The following SPOCK1 variants were observed in gnomAD, a reference collection of about 807,000 sequenced individuals.
The protein encoded by SPOCK1 is testican-1.
A neutral mutation model predicts 55.3 loss-of-function variants in SPOCK1; 23 were observed. That is an observed-to-expected ratio of 0.42 (90% CI 0.30 to 0.59). The LOEUF is 0.59. SPOCK1 is among the 20% of genes least tolerant of loss of function. The pLI is 0.22. For missense variants in SPOCK1, 499 were observed against 552.5 expected (o/e 0.90, Z 0.97); for synonymous variants, 226 against 221.0 (o/e 1.02, Z -0.20).
intron 3 of SPOCK1, among the ~76,000 whole-genome samples, chr5:137,212,380 T>G (rs745675465): frequency 6.6e-5 from 10 of 152,198 alleles, no homozygotes; most frequent in African/African-American, 9.6e-5. Context: ...TCACCCAGTG[T>G]CTGGCAAATA....
intron 2 of SPOCK1, among the ~76,000 whole-genome samples, chr5:137,285,714 G>A (rs565678849): frequency 2.6e-5 from 4 of 152,216 alleles, no homozygotes; most frequent in East Asian, 1.9e-4. Flanking sequence ...TTTCAGCCTC[G>A]CCTTGGCCTT....
chr5:137,430,375 G>C (rs1752718264), intron 2 of SPOCK1, among the ~76,000 whole-genome samples: 1 of 152,136 alleles, frequency 6.6e-6, no homozygotes, highest in Non-Finnish European at 1.5e-5. Context: ...CCTTCATCCA[G>C]GACAGCTGGG....
At chr5:137,115,011 T>C (rs983166836) in intron 4 of SPOCK1, among the ~76,000 whole-genome samples, 1 of 152,168 alleles carries the variant, frequency 6.6e-6, no homozygotes. Context: ...GAAGAAAAGA[T>C]GGAATCAGCT....
chr5:137,106,056 G>A (rs927135276), intron 5 of SPOCK1, among the ~76,000 whole-genome samples: 2 of 152,154 alleles, frequency 1.3e-5, no homozygotes, highest in African/African-American at 4.8e-5. Flanking sequence ...CTTCAGTCAG[G>A]TGGGCCCAGA....
intron 3 of SPOCK1, among the ~76,000 whole-genome samples, chr5:137,147,387 G>A (rs1442173405): frequency 1.3e-5 from 2 of 152,256 alleles, no homozygotes; most frequent in East Asian, 3.9e-4. Context: ...TAGTCTGCTC[G>A]GGCAGCCATA....
intron 6 of SPOCK1, among the ~76,000 whole-genome samples, chr5:137,050,455 C>A (rs913062614): frequency 1.2e-3 from 184 of 150,512 alleles, no homozygotes; most frequent in Non-Finnish European, 1.6e-3. Context: ...ACTCCCTGAC[C>A]CCTTGGGCTT....
chr5:137,136,053 T>C (rs1424737663), intron 4 of SPOCK1, among the ~76,000 whole-genome samples: 1 of 152,248 alleles, frequency 6.6e-6, no homozygotes, highest in East Asian at 1.9e-4. Flanking sequence ...GTGACTTGTC[T>C]TTTTCATTTT....
chr5:137,273,290 A>T (rs959066615), intron 2 of SPOCK1: 1 of 779,070 alleles, frequency 1.3e-6, no homozygotes, highest in African/African-American at 1.9e-5. Context: ...TACTACTGAG[A>T]TTTCAGATTT....
chr5:137,414,666 C>T (rs574671955), intron 2 of SPOCK1, among the ~76,000 whole-genome samples: 1 of 152,198 alleles, frequency 6.6e-6, no homozygotes, highest in South Asian at 2.1e-4. Flanking sequence ...GACCATGTAT[C>T]CACCTATTAA....
At chr5:137,420,344 T>C (rs1191585051) in intron 2 of SPOCK1, among the ~76,000 whole-genome samples, 1 of 152,232 alleles carries the variant, frequency 6.6e-6, no homozygotes, top group South Asian at 2.1e-4. Flanking sequence ...TCTTTTTCTA[T>C]TGATTGGAAT....
intron 5 of SPOCK1, among the ~76,000 whole-genome samples, chr5:137,102,650 A>G (rs1171574381): frequency 6.6e-6 from 1 of 152,226 alleles, no homozygotes; most frequent in Non-Finnish European, 1.5e-5. Flanking sequence ...CACTCGTGGA[A>G]GTAAAAATTG....
At chr5:137,473,272 C>G (rs1753773334) in intron 2 of SPOCK1, among the ~76,000 whole-genome samples, 1 of 152,192 alleles carries the variant, frequency 6.6e-6, no homozygotes, top group Non-Finnish European at 1.5e-5. Flanking sequence ...AAAAATTCTG[C>G]AGCCCTATGA....
At chr5:137,287,838 G>A (rs542163916) in intron 2 of SPOCK1, among the ~76,000 whole-genome samples, 2 of 152,312 alleles carry the variant, frequency 1.3e-5, no homozygotes, top group South Asian at 4.1e-4. Flanking sequence ...ACAGCTGTTT[G>A]TGCTTTAGGC....
chr5:137,138,389 C>T (rs999290819), intron 4 of SPOCK1, among the ~76,000 whole-genome samples: 1 of 152,122 alleles, frequency 6.6e-6, no homozygotes, highest in East Asian at 1.9e-4. Flanking sequence ...GAATAGGTCT[C>T]AAACCGATTT....
At chr5:137,362,815 C>T (rs965612538) in intron 2 of SPOCK1, among the ~76,000 whole-genome samples, 4 of 152,228 alleles carry the variant, frequency 2.6e-5, no homozygotes, top group Non-Finnish European at 5.9e-5. Context: ...CTGAGGGCCA[C>T]AGTTTGCAAC....
chr5:137,420,665 T>C (rs12652862), intron 2 of SPOCK1, among the ~76,000 whole-genome samples: 56,014 of 151,988 alleles, frequency 0.37, 11,086 homozygotes, highest in East Asian at 0.64. Context: ...TTTTGTATTG[T>C]GTCTATTTGA....
At chr5:137,259,612 C>T (rs759153777) in intron 3 of SPOCK1, among the ~76,000 whole-genome samples, 1 of 148,696 alleles carries the variant, frequency 6.7e-6, no homozygotes, top group Non-Finnish European at 1.5e-5. Flanking sequence ...ACATTCTGCA[C>T]ATGTGCCCCA....
At chr5:137,434,952 A>G (rs1752828521) in intron 2 of SPOCK1, among the ~76,000 whole-genome samples, 1 of 152,252 alleles carries the variant, frequency 6.6e-6, no homozygotes, top group South Asian at 2.1e-4. Flanking sequence ...AGAAGAAAAT[A>G]TGGAAAACAT....
In SPOCK1 at chr5:137,409,259, A is replaced by C. The variant is rs181381497; in HGVS notation, c.186+89114T>G. ...TAGAGGCATTGAAAGTGTCTGTACC[A>C]ATCCTATTTGTTATACCCTTCATAG... On this transcript the variant is annotated intron_variant, in intron 2 of 10. Coordinates refer to ENST00000394945, the MANE Select transcript of SPOCK1 (RefSeq NM_004598.4). 2.0e-5 allele frequency among the ~76,000 whole-genome samples: 3 copies of C among 152,346 alleles called. No homozygotes were observed. In the East Asian group the frequency reaches 5.8e-4, roughly 29 times the overall value.
Sources: allele counts gnomAD v4.1 joint callset (sites outside exome capture counted in the v4.1 genomes callset), GRCh38; gene constraint gnomAD v4.1.1; transcripts MANE v1.5; gene names NCBI Gene and HGNC (gene_info 2026-07-23, HGNC 2026-07-21).